PSPH: variants seen among roughly 807,000 people sequenced by gnomAD.
PSPH encodes the protein L-3-phosphoserine phosphatase.
In PSPH, 16 loss-of-function variants were observed where a neutral mutation model predicts 23.4. The observed-to-expected ratio is 0.68, with a 90% confidence interval of 0.46 to 1.04. PSPH has a LOEUF of 1.04. PSPH is among the 50% of genes least tolerant of loss of function. The pLI, the probability that PSPH is intolerant of heterozygous loss-of-function variation, is 0.00. For synonymous variants in PSPH, 68 were observed against 99.7 expected (o/e 0.68, Z 1.89); for missense variants, 223 against 273.7 (o/e 0.81, Z 1.31).
intron 3 of PSPH, among the ~76,000 whole-genome samples, chr7:56,025,687 G>A (rs1036074837): frequency 2.6e-5 from 4 of 151,894 alleles, no homozygotes; most frequent in East Asian, 1.9e-4. Context: ...TCCCCATCCC[G>A]GGTTCAAGCA....
chr7:56,045,819 A>T (rs1221559427), intron 1 of PSPH, among the ~76,000 whole-genome samples: 1 of 150,982 alleles, frequency 6.6e-6, no homozygotes, highest in African/African-American at 2.4e-5. Flanking sequence ...CCCAGGAAGC[A>T]GAAGCTGCAA....
In PSPH at chr7:56,014,861, T is replaced by C. The variant is rs561379533; in HGVS notation, c.570+162A>G. 2.8e-3 allele frequency among the ~76,000 whole-genome samples: 422 copies of C among 152,224 alleles called. 1 individual carries two copies. The highest frequency in any genetic ancestry group is 4.8e-3 in the Non-Finnish European group (325 of 68,026). Reference sequence around the variant, plus strand: ...GGGAGGCTGAGACACAAGAATGGTTTGAACCCAGGAGGCGGATATTGCAGT... The same window carrying C: ...GGGAGGCTGAGACACAAGAATGGTTCGAACCCAGGAGGCGGATATTGCAGT... On this transcript the variant is annotated intron_variant, in intron 7 of 7. Coordinates refer to ENST00000275605, the MANE Select transcript of PSPH (RefSeq NM_004577.4).
intron 7 of PSPH, among the ~76,000 whole-genome samples, chr7:56,014,607 G>T (rs1012635501): frequency 6.6e-6 from 1 of 151,822 alleles, no homozygotes; most frequent in Admixed American, 6.6e-5. Context: ...TTCCTGCCTC[G>T]ACCTCCCAAA....
At chr7:56,030,577 G>A (rs1790841006) in intron 3 of PSPH, among the ~76,000 whole-genome samples, 1 of 152,096 alleles carries the variant, frequency 6.6e-6, no homozygotes, top group Non-Finnish European at 1.5e-5. Context: ...AGCTAAACTG[G>A]GTACATGAGG....
chr7:56,012,875 G>A (rs545232741), intron 7 of PSPH, among the ~76,000 whole-genome samples: 1 of 149,812 alleles, frequency 6.7e-6, no homozygotes, highest in African/African-American at 2.4e-5. Flanking sequence ...GATTACAGGC[G>A]TGAGCCACTG....
chr7:56,016,095 C>G (rs1052786225), intron 6 of PSPH, among the ~76,000 whole-genome samples: 13 of 151,686 alleles, frequency 8.6e-5, no homozygotes, highest in Non-Finnish European at 1.6e-4. Flanking sequence ...ATCTCTATCT[C>G]TAGATCATTC....
chr7:56,020,615 ACTC>A (rs1370456529), intron 4 of PSPH, among the ~76,000 whole-genome samples: 1 of 111,276 alleles, frequency 9.0e-6, no homozygotes, highest in African/African-American at 5.1e-5. Context: ...ACAAAATGAG[ACTC>A]CGTCTCGAAA....
At chr7:56,028,365 C>CA (rs1168867775) in intron 3 of PSPH, among the ~76,000 whole-genome samples, 3 of 152,172 alleles carry the variant, frequency 2.0e-5, no homozygotes, top group East Asian at 1.9e-4. Context: ...GCAGAGACCA[C>CA]AGGCACGCAC....
At chr7:56,021,011 C>T in intron 4 of PSPH, 62 bp downstream of exon 4, 2 of 1,485,232 alleles carry the variant, frequency 1.3e-6, no homozygotes, top group Non-Finnish European at 1.8e-6. Context: ...GCACTTCATC[C>T]AAAACAGTCA....
intron 7 of PSPH, among the ~76,000 whole-genome samples, chr7:56,013,139 G>C (rs916201727): frequency 4.3e-4 from 43 of 99,028 alleles, no homozygotes; most frequent in South Asian, 6.6e-4. Flanking sequence ...ATATATATAC[G>C]TATATGTGTA....
chr7:56,021,609 G>GTT (rs11412043), intron 3 of PSPH, among the ~76,000 whole-genome samples: 3,811 of 142,616 alleles, frequency 0.027, 165 homozygotes, highest in African/African-American at 0.09. Context: ...ATATATAGTT[G>GTT]TTTTTTTTTT....
chr7:56,036,626 C>G (rs1466389059), intron 1 of PSPH, among the ~76,000 whole-genome samples: 3 of 151,924 alleles, frequency 2.0e-5, no homozygotes, highest in Non-Finnish European at 4.4e-5. Context: ...AAGCCCTTGT[C>G]TCTGAAAAAT....
chr7:56,036,404 T>C (rs1791728775), intron 1 of PSPH, among the ~76,000 whole-genome samples: 2 of 152,148 alleles, frequency 1.3e-5, no homozygotes, highest in South Asian at 2.1e-4. Flanking sequence ...ATTTCATAAA[T>C]GTTTAATATT....
intron 7 of PSPH, among the ~76,000 whole-genome samples, chr7:56,012,516 C>T (rs1788027346): frequency 6.6e-6 from 1 of 151,748 alleles, no homozygotes; most frequent in Non-Finnish European, 1.5e-5. Context: ...ATTGGGAGCT[C>T]CCTGAGAAAT....
chr7:56,045,246 T>C (rs573601843), intron 1 of PSPH, among the ~76,000 whole-genome samples: 2 of 152,224 alleles, frequency 1.3e-5, no homozygotes, highest in South Asian at 2.1e-4. Flanking sequence ...GGCTCACTCC[T>C]GTAATCCTAG....
Position 56,011,755 on chromosome 7 carries a change from A to G in PSPH, c.*7T>C. 1 of 1,600,684 alleles carries G rather than the reference A, an allele frequency of 6.2e-7. No individual in the cohort carries two copies. On this transcript the variant is annotated 3_prime_UTR_variant, in exon 8 of 8. Coordinates refer to ENST00000275605, the MANE Select transcript of PSPH (RefSeq NM_004577.4). ...TGAAGTTGTTTGGAGCTGTACGACAATGGATGTTATTCTTCCAGTTCTCCC... is the reference window on the plus strand; with the variant it reads ...TGAAGTTGTTTGGAGCTGTACGACAGTGGATGTTATTCTTCCAGTTCTCCC...
In PSPH at chr7:56,015,292, A is replaced by T. The variant is rs1788423819; in HGVS notation, c.422-121T>A. On this transcript the variant is annotated intron_variant, in intron 6 of 7. Coordinates refer to ENST00000275605, the MANE Select transcript of PSPH (RefSeq NM_004577.4). ...GAGAAGGCTAAAAATGGCCGTCGGT[A>T]AAGTCACACAGCCTGGAGCTCCACA... 4 of 1,086,728 alleles carry T rather than the reference A, an allele frequency of 3.7e-6. No individual in the cohort carries two copies. In the East Asian group the frequency reaches 9.5e-5, roughly 26 times the overall value. 67.3% of individuals were successfully genotyped at this position (1,086,728 alleles called of 1,614,324 possible).
intron 3 of PSPH, among the ~76,000 whole-genome samples, chr7:56,024,730 A>G (rs1159168084): frequency 2.6e-5 from 4 of 152,006 alleles, no homozygotes; most frequent in Non-Finnish European, 5.9e-5. Flanking sequence ...CCTGGGTGAC[A>G]GAGTGAGACC....
intron 4 of PSPH, 26 bp downstream of exon 4, chr7:56,021,047 A>ATGGCTGGGCATGGTGGCTCACGCCTG (rs1204277904): frequency 6.2e-7 from 1 of 1,613,764 alleles, no homozygotes; most frequent in African/African-American, 1.3e-5. Flanking sequence ...TTATCATTTC[A>ATGGCTGGGCATGGTGGCTCACGCCTG]TAAAGTGAAT....
Sources: gnomAD v4.1 joint callset for allele counts (sites outside exome capture counted in the v4.1 genomes callset) on GRCh38, gnomAD v4.1.1 for gene constraint, MANE v1.5 for transcripts, NCBI Gene and HGNC (gene_info 2026-07-23, HGNC 2026-07-21) for gene names.